NAALADL2: variants seen among roughly 807,000 people sequenced by gnomAD.
The protein encoded by NAALADL2 is inactive N-acetylated-alpha-linked acidic dipeptidase-like protein 2.
NAALADL2 carries 76 observed loss-of-function variants against 87.2 expected under a neutral mutation model. The ratio of observed to expected loss-of-function variants is 0.87; its 90% CI spans 0.72 to 1.05. NAALADL2 has a LOEUF of 1.05. NAALADL2 is among the 50% of genes least tolerant of loss of function. The pLI, the probability that NAALADL2 is intolerant of heterozygous loss-of-function variation, is 0.00. For synonymous variants in NAALADL2, 354 were observed against 331.0 expected (o/e 1.07, Z -0.75); for missense variants, 1,089 against 945.8 (o/e 1.15, Z -1.99).
intron 4 of NAALADL2, among the ~76,000 whole-genome samples, chr3:175,323,784 G>A (rs1760278162): frequency 1.3e-5 from 2 of 151,788 alleles, no homozygotes; most frequent in African/African-American, 2.4e-5. Context: ...TTGGGAGGCC[G>A]AGGTGGGCGG....
At chr3:175,635,485 A>G (rs900044310) in intron 11 of NAALADL2, among the ~76,000 whole-genome samples, 13 of 152,190 alleles carry the variant, frequency 8.5e-5, no homozygotes, top group Admixed American at 8.5e-4. Context: ...AATATATTAC[A>G]TGCATAAATC....
intron 9 of NAALADL2, among the ~76,000 whole-genome samples, chr3:175,482,398 A>G (rs1726606363): frequency 1.1e-5 from 1 of 91,110 alleles, no homozygotes; most frequent in Non-Finnish European, 2.7e-5. Flanking sequence ...AGATTATTTC[A>G]TCAAAAGCTT....
At chr3:174,596,882 G>A (rs1274759098) in intron 2 of NAALADL2, among the ~76,000 whole-genome samples, 1 of 152,188 alleles carries the variant, frequency 6.6e-6, no homozygotes, top group Non-Finnish European at 1.5e-5. Context: ...AGTGATGGAG[G>A]TGAAATTTGA....
rs1763818456 is a variant in NAALADL2 at position 175,351,921 on chromosome 3, C to G, written c.1090+27596C>G. ...ATAAAGGAGACACTCCACTAAACCTCCAGTCATTTTATCCAAACCAGCAAG... is the reference window on the plus strand; with the variant it reads ...ATAAAGGAGACACTCCACTAAACCTGCAGTCATTTTATCCAAACCAGCAAG... On this transcript the variant is annotated intron_variant, in intron 5 of 13. Coordinates refer to ENST00000454872, the MANE Select transcript of NAALADL2 (RefSeq NM_207015.3). 2.0e-5 allele frequency among the ~76,000 whole-genome samples: 3 copies of G among 152,204 alleles called. No homozygotes were observed. In the South Asian group the frequency reaches 6.2e-4, roughly 32 times the overall value.
At chr3:175,042,218 G>A (rs1366308644) in intron 1 of NAALADL2, among the ~76,000 whole-genome samples, 1 of 151,942 alleles carries the variant, frequency 6.6e-6, no homozygotes, top group Non-Finnish European at 1.5e-5. Flanking sequence ...ATGTCCTCCA[G>A]GTTCATTTAT....
At chr3:174,663,185 G>A (rs1486558500) in intron 2 of NAALADL2, among the ~76,000 whole-genome samples, 2 of 151,930 alleles carry the variant, frequency 1.3e-5, no homozygotes, top group South Asian at 2.1e-4. Flanking sequence ...GTGAATAATT[G>A]GAGAAAACTA....
At chr3:175,050,498 A>G (rs1190391841) in intron 1 of NAALADL2, among the ~76,000 whole-genome samples, 1 of 152,092 alleles carries the variant, frequency 6.6e-6, no homozygotes, top group Non-Finnish European at 1.5e-5. Flanking sequence ...CATTTATTTC[A>G]ATGTTTAATA....
At chr3:175,283,868 A>C (rs547852505) in intron 4 of NAALADL2, among the ~76,000 whole-genome samples, 1 of 152,284 alleles carries the variant, frequency 6.6e-6, no homozygotes, top group African/African-American at 2.4e-5. Flanking sequence ...CTCTATACCA[A>C]ACGTTCTAAT....
chr3:174,636,049 T>C (rs1722613919), intron 2 of NAALADL2, among the ~76,000 whole-genome samples: 2 of 152,152 alleles, frequency 1.3e-5, no homozygotes, highest in African/African-American at 4.8e-5. Context: ...GAAATGCAAG[T>C]GTTATTTTTT....
At chr3:175,281,050 G>A (rs4399905) in intron 4 of NAALADL2, among the ~76,000 whole-genome samples, 92,008 of 151,128 alleles carry the variant, frequency 0.61, 30,811 homozygotes, top group African/African-American at 0.9. Flanking sequence ...AACATTTGAG[G>A]TGCAGTGAAT....
At position 175,748,449 on chromosome 3, in the gene NAALADL2, T is replaced by G. The variant is rs1430285535; in HGVS notation, c.1991-6771T>G. Among the ~76,000 whole-genome samples the G allele has an allele frequency of 2.6e-5, 4 of 152,340 alleles. No individual in the cohort carries two copies. In the East Asian group the frequency reaches 7.7e-4, roughly 29 times the overall value. ...TTTCCCCCAAAATAATCTTCTACTC[T>G]TTTAACCACTGTATTATGCAGAACA... On this transcript the variant is annotated intron_variant, in intron 12 of 13. Transcript: ENST00000454872.
At chr3:175,797,370 C>T (rs988930545) in intron 13 of NAALADL2, among the ~76,000 whole-genome samples, 2 of 152,086 alleles carry the variant, frequency 1.3e-5, no homozygotes, top group Non-Finnish European at 2.9e-5. Context: ...TTCTAAGATA[C>T]ATGTTCTGTG....
chr3:175,078,689 G>A (rs78829026), intron 1 of NAALADL2, among the ~76,000 whole-genome samples: 6,006 of 152,172 alleles, frequency 0.039, 383 homozygotes, highest in African/African-American at 0.14. Context: ...TATCCAATAC[G>A]TGGTCTTTTG....
intron 2 of NAALADL2, among the ~76,000 whole-genome samples, chr3:175,215,094 T>C (rs973761680): frequency 1.3e-5 from 2 of 152,100 alleles, no homozygotes; most frequent in African/African-American, 4.8e-5. Flanking sequence ...AGTAGTAAAA[T>C]CACCATAACA....
At chr3:174,631,452 C>T (rs866503056) in intron 2 of NAALADL2, among the ~76,000 whole-genome samples, 1 of 152,266 alleles carries the variant, frequency 6.6e-6, no homozygotes, top group South Asian at 2.1e-4. Context: ...TTCTGTTCTG[C>T]AATGACAAAA....
At chr3:174,583,137 CTA>C (rs1249731430) in intron 2 of NAALADL2, among the ~76,000 whole-genome samples, 2 of 152,118 alleles carry the variant, frequency 1.3e-5, no homozygotes, top group African/African-American at 4.8e-5. Context: ...TGAGATAACA[CTA>C]ATGCAAAATG....
rs200885096 is a variant in NAALADL2 at position 175,367,796 on chromosome 3, T to G, written c.1090+43471T>G. 3.9e-5 allele frequency among the ~76,000 whole-genome samples: 6 copies of G among 152,344 alleles called. No individual in the cohort carries two copies. The East Asian group carries it at 1.2e-3, about 29-fold the overall frequency. On this transcript the variant is annotated intron_variant, in intron 5 of 13. Coordinates refer to ENST00000454872, the MANE Select transcript of NAALADL2 (RefSeq NM_207015.3). ...TTTCTAGATGTACAATCATGTTGTC[T>G]GCAAACAGGGACAGTTTGACTTCCT...
At chr3:175,376,444 G>T (rs920804007) in intron 5 of NAALADL2, among the ~76,000 whole-genome samples, 23 of 151,848 alleles carry the variant, frequency 1.5e-4, no homozygotes, top group Non-Finnish European at 2.8e-4. Context: ...TAATGATGTT[G>T]TTCTATAGAC....
chr3:175,124,524 C>T (rs1345187204), intron 2 of NAALADL2: 5 of 151,974 alleles, frequency 3.3e-5, no homozygotes, highest in Non-Finnish European at 7.4e-5. Flanking sequence ...AAATGCTTTT[C>T]CCGAATCTTT....
Sources: allele counts gnomAD v4.1 joint callset (sites outside exome capture counted in the v4.1 genomes callset), GRCh38; gene constraint gnomAD v4.1.1; transcripts MANE v1.5; gene names NCBI Gene and HGNC (gene_info 2026-07-23, HGNC 2026-07-21).